Variants in THRB observed in about 807,000 individuals in gnomAD.
The protein encoded by THRB is nuclear receptor subfamily 1 group A member 2.
THRB carries 12 observed loss-of-function variants against 47.8 expected under a neutral mutation model. The ratio of observed to expected loss-of-function variants is 0.25; its 90% CI spans 0.16 to 0.41. The LOEUF (loss-of-function observed/expected upper bound fraction) is 0.41. THRB is among the 10% of genes least tolerant of loss of function. The pLI, the probability that THRB is intolerant of heterozygous loss-of-function variation, is 1.00. For synonymous variants in THRB, 218 were observed against 212.2 expected (o/e 1.03, Z -0.24); for missense variants, 348 against 589.2 (o/e 0.59, Z 4.24).
chr3:24,438,514 TGTGTGTGTGTGTG>T (rs2071208850), intron 1 of THRB, among the ~76,000 whole-genome samples: 1 of 136,984 alleles, frequency 7.3e-6, no homozygotes, highest in Non-Finnish European at 1.7e-5. Context: ...AAGGTGTGTG[TGTGTGTGTGTGTG>T]TGTGTGTGTG....
intron 4 of THRB, among the ~76,000 whole-genome samples, chr3:24,218,701 A>C (rs1349579858): frequency 6.6e-6 from 1 of 152,044 alleles, no homozygotes; most frequent in Non-Finnish European, 1.5e-5. Context: ...GATTTATATA[A>C]ATCTTACATC....
At chr3:24,227,472 T>A (rs2047779104) in intron 4 of THRB, among the ~76,000 whole-genome samples, 1 of 152,174 alleles carries the variant, frequency 6.6e-6, no homozygotes, top group South Asian at 2.1e-4. Flanking sequence ...TTTTGGTGCC[T>A]GTTGATGTGA....
intron 2 of THRB, among the ~76,000 whole-genome samples, chr3:24,303,512 A>T (rs2057109929): frequency 6.6e-6 from 1 of 152,184 alleles, no homozygotes; most frequent in Non-Finnish European, 1.5e-5. Flanking sequence ...CCCGATTATC[A>T]TCGCAGAGCT....
At chr3:24,363,484 A>G (rs1007606602) in intron 1 of THRB, among the ~76,000 whole-genome samples, 2 of 152,158 alleles carry the variant, frequency 1.3e-5, no homozygotes, top group Non-Finnish European at 2.9e-5. Context: ...CTGGAGCTGG[A>G]GCTTTCAGTG....
intron 1 of THRB, among the ~76,000 whole-genome samples, chr3:24,403,595 G>A (rs753018911): frequency 8.6e-5 from 13 of 151,852 alleles, no homozygotes; most frequent in African/African-American, 9.7e-5. Context: ...TCAAGGTAGC[G>A]GCAGCACCTG....
chr3:24,222,208 G>A (rs769946582), intron 4 of THRB, among the ~76,000 whole-genome samples: 1 of 152,184 alleles, frequency 6.6e-6, no homozygotes, highest in Non-Finnish European at 1.5e-5. Context: ...TGGAAGCCAT[G>A]GAGTGATTTT....
At chr3:24,220,797 C>CA (rs1368551143) in intron 4 of THRB, among the ~76,000 whole-genome samples, 6,140 of 96,460 alleles carry the variant, frequency 0.064, 192 homozygotes, top group African/African-American at 0.15. Context: ...CAAGGTTAAA[C>CA]AAAAGAAAAA....
intron 4 of THRB, among the ~76,000 whole-genome samples, chr3:24,200,157 C>T (rs530817152): frequency 1.3e-5 from 2 of 152,244 alleles, no homozygotes; most frequent in Admixed American, 6.5e-5. Context: ...CACAAATGCA[C>T]ATAAAAGGGA....
At chr3:24,291,709 C>A (rs2150980976) in intron 3 of THRB, among the ~76,000 whole-genome samples, 1 of 152,146 alleles carries the variant, frequency 6.6e-6, no homozygotes, top group East Asian at 1.9e-4. Flanking sequence ...TCCATGGATG[C>A]AGAATCCATG....
At chr3:24,393,845 A>G (rs2066758633) in intron 1 of THRB, among the ~76,000 whole-genome samples, 1 of 152,110 alleles carries the variant, frequency 6.6e-6, no homozygotes, top group Admixed American at 6.6e-5. Flanking sequence ...GGTAAATCCA[A>G]TGTCCATTTT....
At chr3:24,173,157 C>A (rs972138536) in intron 5 of THRB, among the ~76,000 whole-genome samples, 1 of 152,168 alleles carries the variant, frequency 6.6e-6, no homozygotes, top group Non-Finnish European at 1.5e-5. Context: ...GTGGGGACAG[C>A]AAGCCCTCCA....
At chr3:24,249,911 G>A (rs188900288) in intron 3 of THRB, among the ~76,000 whole-genome samples, 19 of 152,240 alleles carry the variant, frequency 1.2e-4, no homozygotes, top group Admixed American at 1.2e-3. Flanking sequence ...ATTTCCACAT[G>A]GCACCATGAA....
chr3:24,493,226 TAGAA>T (rs1188051736), intron 1 of THRB, among the ~76,000 whole-genome samples: 2 of 152,310 alleles, frequency 1.3e-5, no homozygotes, highest in South Asian at 2.1e-4. Flanking sequence ...ATTTCGGAAT[TAGAA>T]AGAATTAAGC....
chr3:24,351,088 T>G (rs146446295), intron 1 of THRB, among the ~76,000 whole-genome samples: 2 of 152,180 alleles, frequency 1.3e-5, no homozygotes, highest in Admixed American at 1.3e-4. Context: ...TGGTGAAGAA[T>G]AGCAGAAATT....
At chr3:24,449,993 G>A (rs13100197) in intron 1 of THRB, among the ~76,000 whole-genome samples, 13,326 of 151,792 alleles carry the variant, frequency 0.088, 824 homozygotes, top group Admixed American at 0.18. Context: ...AAGGAAAGGA[G>A]GGAAGAAGGA....
chr3:24,253,187 A>T (rs1403628096), intron 3 of THRB, among the ~76,000 whole-genome samples: 1 of 152,214 alleles, frequency 6.6e-6, no homozygotes, highest in Non-Finnish European at 1.5e-5. Context: ...AAAATAAATA[A>T]TATAAAAAGG....
chr3:24,289,715 A>G (rs1474416080), intron 3 of THRB, among the ~76,000 whole-genome samples: 1 of 152,244 alleles, frequency 6.6e-6, no homozygotes, highest in Non-Finnish European at 1.5e-5. Context: ...CTAGGCTAAA[A>G]TATCGAAAAG....
chr3:24,194,962 G>A (rs1051102383), intron 4 of THRB, among the ~76,000 whole-genome samples: 3 of 152,162 alleles, frequency 2.0e-5, no homozygotes, highest in Non-Finnish European at 2.9e-5. Context: ...TTAATATTAG[G>A]TACTGAGACT....
chr3:24,176,873 T>C (rs939595074), intron 5 of THRB, among the ~76,000 whole-genome samples: 1 of 152,152 alleles, frequency 6.6e-6, no homozygotes, highest in African/African-American at 2.4e-5. Flanking sequence ...TGATGATGGT[T>C]GCATGCCTCT....
Sources: allele counts gnomAD v4.1 joint callset (sites outside exome capture counted in the v4.1 genomes callset), GRCh38; gene constraint gnomAD v4.1.1; transcripts MANE v1.5; gene names NCBI Gene and HGNC (gene_info 2026-07-23, HGNC 2026-07-21).